GRIK1: variants seen among roughly 807,000 people sequenced by gnomAD.
GRIK1 encodes glutamate receptor ionotropic, kainate 1.
A neutral mutation model predicts 105.7 loss-of-function variants in GRIK1; 69 were observed. The ratio of observed to expected loss-of-function variants is 0.65; its 90% CI spans 0.54 to 0.80. GRIK1 has a LOEUF of 0.80. GRIK1 is among the 30% of genes least tolerant of loss of function. GRIK1 has a pLI of 0.00. For synonymous variants in GRIK1, 438 were observed against 431.3 expected (o/e 1.02, Z -0.19); for missense variants, 1,109 against 1,167.3 (o/e 0.95, Z 0.73).
At chr21:29,850,138 G>T (rs2068259541) in intron 1 of GRIK1, among the ~76,000 whole-genome samples, 1 of 152,042 alleles carries the variant, frequency 6.6e-6, no homozygotes, top group Admixed American at 6.6e-5. Context: ...CTTCCTTACT[G>T]CATTAACATT....
intron 1 of GRIK1, among the ~76,000 whole-genome samples, chr21:29,912,268 A>G (rs1210789965): frequency 2.0e-5 from 3 of 152,174 alleles, no homozygotes; most frequent in East Asian, 3.9e-4. Context: ...AACATCTCCA[A>G]CCATAAATAT....
At chr21:29,861,647 C>G (rs757073265) in intron 1 of GRIK1, 41 of 451,982 alleles carry the variant, frequency 9.1e-5, no homozygotes, top group Non-Finnish European at 1.8e-4. Flanking sequence ...CTTTTCCTAA[C>G]TTGCTGAGAA....
intron 1 of GRIK1, among the ~76,000 whole-genome samples, chr21:29,847,332 A>C (rs943827377): frequency 1.3e-5 from 2 of 152,232 alleles, no homozygotes; most frequent in African/African-American, 4.8e-5. Context: ...GCAGTGGCTC[A>C]TGCCTGCAAT....
At chr21:29,863,113 A>G (rs1192885398) in intron 1 of GRIK1, among the ~76,000 whole-genome samples, 33 of 152,178 alleles carry the variant, frequency 2.2e-4, no homozygotes, top group Admixed American at 2.2e-3. Context: ...TGGACCATAA[A>G]ATTATTTTGA....
chr21:29,657,517 T>G (rs2062877786), intron 4 of GRIK1: 2 of 152,202 alleles, frequency 1.3e-5, no homozygotes, highest in African/African-American at 2.4e-5. Flanking sequence ...CAGGTACACA[T>G]TTTATTTGCT....
chr21:29,640,019 A>G lies in GRIK1; in HGVS notation c.1098+2807T>C, dbSNP rs116016210. ...GTGGAGTTATCAGAAATTACCGCAC[A>G]TGCAACAACCTCTGCTCAGGAAGTT... On this transcript the variant is annotated intron_variant, in intron 7 of 17. Transcript: ENST00000327783. 3.2e-3 allele frequency among the ~76,000 whole-genome samples: 490 copies of G among 152,278 alleles called. 4 individuals are homozygous for G. The highest frequency in any genetic ancestry group is 0.011 in the African/African-American group (471 of 41,556).
chr21:29,697,304 A>T (rs1434904678), intron 1 of GRIK1, among the ~76,000 whole-genome samples: 1 of 152,210 alleles, frequency 6.6e-6, no homozygotes, highest in Non-Finnish European at 1.5e-5. Flanking sequence ...TGGAAATAAA[A>T]AGAGGAGTTG....
chr21:29,761,959 G>C (rs988297853), intron 1 of GRIK1, among the ~76,000 whole-genome samples: 4 of 152,116 alleles, frequency 2.6e-5, no homozygotes, highest in African/African-American at 9.7e-5. Context: ...TGTTGGCCAG[G>C]CTGGTCTTGA....
At position 29,596,840 on chromosome 21, in the gene GRIK1, T is replaced by C. The variant is rs1657526417; in HGVS notation, c.1207-270A>G. Reference sequence around the variant, plus strand: ...AGAAATGCCTTAAAGTGCTTTTCAATGTATACAGGTATGCTGCAGTATTAA... The same window carrying C: ...AGAAATGCCTTAAAGTGCTTTTCAACGTATACAGGTATGCTGCAGTATTAA... On this transcript the variant is annotated intron_variant, in intron 8 of 17. Transcript: ENST00000327783. 4 of 468,434 alleles carry C rather than the reference T, an allele frequency of 8.5e-6. No individual in the cohort carries two copies. The East Asian group carries it at 1.3e-4, about 15-fold the overall frequency. 29.0% of individuals were successfully genotyped at this position (468,434 alleles called of 1,614,324 possible). A position where few individuals can be genotyped will look rare whatever the true frequency, so the allele number is the denominator to read the frequency against.
At chr21:29,588,459 T>C (rs1475998937) in intron 11 of GRIK1, among the ~76,000 whole-genome samples, 1 of 152,144 alleles carries the variant, frequency 6.6e-6, no homozygotes, top group African/African-American at 2.4e-5. Flanking sequence ...TATAAGTGTC[T>C]AGCATCTCCC....
At chr21:29,871,899 G>A (rs2069026003) in intron 1 of GRIK1, among the ~76,000 whole-genome samples, 1 of 151,404 alleles carries the variant, frequency 6.6e-6, no homozygotes, top group Non-Finnish European at 1.5e-5. Flanking sequence ...AAGTAGCTGG[G>A]ACAACAGGCA....
chr21:29,691,712 A>G (rs1050227689), intron 2 of GRIK1, among the ~76,000 whole-genome samples: 5 of 152,250 alleles, frequency 3.3e-5, no homozygotes, highest in Admixed American at 1.3e-4. Flanking sequence ...ATTGTATTGA[A>G]TATTAATATC....
At chr21:29,666,953 C>A (rs2063070701) in intron 4 of GRIK1, among the ~76,000 whole-genome samples, 1 of 152,188 alleles carries the variant, frequency 6.6e-6, no homozygotes. Context: ...TACAAAATCT[C>A]TCTGGGCTCT....
chr21:29,729,832 T>G (rs548440189), intron 1 of GRIK1, among the ~76,000 whole-genome samples: 2 of 152,292 alleles, frequency 1.3e-5, no homozygotes, highest in Admixed American at 6.5e-5. Context: ...ATCCTAAACT[T>G]AAAAAGTGAT....
At chr21:29,744,377 T>A (rs1203770346) in intron 1 of GRIK1, among the ~76,000 whole-genome samples, 2 of 152,234 alleles carry the variant, frequency 1.3e-5, no homozygotes, top group Non-Finnish European at 2.9e-5. Context: ...CCAACTTCCA[T>A]CAGGTGGAGT....
intron 13 of GRIK1, among the ~76,000 whole-genome samples, chr21:29,578,027 T>C (rs2090936591): frequency 6.6e-6 from 1 of 152,206 alleles, no homozygotes; most frequent in African/African-American, 2.4e-5. Context: ...TTTACTGTCA[T>C]AAAAGACAAA....
chr21:29,567,467 A>G (rs1309100208), intron 14 of GRIK1, among the ~76,000 whole-genome samples: 3 of 152,174 alleles, frequency 2.0e-5, no homozygotes, highest in African/African-American at 7.2e-5. Context: ...TGATGATTTT[A>G]TATATCGATC....
chr21:29,613,989 C>G (rs1011217897), intron 7 of GRIK1, among the ~76,000 whole-genome samples: 1 of 152,094 alleles, frequency 6.6e-6, no homozygotes, highest in African/African-American at 2.4e-5. Flanking sequence ...AGGTTTGCCC[C>G]CAAAGATCCT....
intron 3 of GRIK1, among the ~76,000 whole-genome samples, chr21:29,674,959 G>A (rs2063237607): frequency 6.6e-6 from 1 of 152,080 alleles, no homozygotes; most frequent in Non-Finnish European, 1.5e-5. Flanking sequence ...TCACCTGCTT[G>A]TCTTCTCACT....
Sources: gnomAD v4.1 joint callset for allele counts (sites outside exome capture counted in the v4.1 genomes callset) on GRCh38, gnomAD v4.1.1 for gene constraint, MANE v1.5 for transcripts, NCBI Gene and HGNC (gene_info 2026-07-23, HGNC 2026-07-21) for gene names.